The following STRBP variants were observed in gnomAD, a reference collection of about 807,000 sequenced individuals.
STRBP encodes spermatid perinuclear RNA binding protein, also known as spermatid perinuclear RNA-binding protein.
A neutral mutation model predicts 80.1 loss-of-function variants in STRBP; 13 were observed. That is an observed-to-expected ratio of 0.16 (90% CI 0.11 to 0.26). STRBP has a LOEUF of 0.26. Ranked by LOEUF, STRBP falls within the 10% of genes least tolerant of loss-of-function variation. The probability of loss-of-function intolerance (pLI) is 1.00; values close to 1 mark genes in which losing one functional copy is unlikely to be tolerated. For synonymous variants in STRBP, 284 were observed against 291.2 expected, an observed-to-expected ratio of 0.98 and a Z score of 0.25; for missense variants, 485 against 815.2, an observed-to-expected ratio of 0.59 and a Z score of 4.93.
chr9:123,144,212 A>C (rs1163994149), intron 13 of STRBP, among the ~76,000 whole-genome samples: 2 of 151,400 alleles, frequency 1.3e-5, no homozygotes, highest in Non-Finnish European at 2.9e-5. Flanking sequence ...AAAAAAAAAA[A>C]AAGAAAGAAA....
In STRBP at chr9:123,146,425, C is replaced by T. The variant is rs76358794; in HGVS notation, c.1338+430G>A. Among the ~76,000 whole-genome samples the T allele has an allele frequency of 4.3e-3, 639 of 149,522 alleles. 6 individuals carry two copies. Among genetic ancestry groups the T allele is most frequent in the Non-Finnish European group, 7.0e-3 (470 of 67,414 alleles). On this transcript the variant is annotated intron_variant, in intron 13 of 18. Transcript: ENST00000348403. ...GTTTCCCGTAGCATGTTAATCGTACCGCCATTAAAAATTATTTATGAAGAT... is the reference window on the plus strand; with the variant it reads ...GTTTCCCGTAGCATGTTAATCGTACTGCCATTAAAAATTATTTATGAAGAT...
chr9:123,181,446 A>C (rs1045747771), intron 3 of STRBP, among the ~76,000 whole-genome samples: 7 of 152,210 alleles, frequency 4.6e-5, no homozygotes, highest in African/African-American at 1.7e-4. Flanking sequence ...GCCAATGTTA[A>C]ATCTAAAAAT....
intron 13 of STRBP, among the ~76,000 whole-genome samples, chr9:123,142,557 T>C (rs1172018844): frequency 2.0e-5 from 3 of 152,200 alleles, no homozygotes; most frequent in African/African-American, 7.2e-5. Context: ...GCAAGAATCC[T>C]AATGGGTCCC....
intron 2 of STRBP, among the ~76,000 whole-genome samples, chr9:123,225,463 T>C (rs2040205388): frequency 6.6e-6 from 1 of 152,214 alleles, no homozygotes; most frequent in South Asian, 2.1e-4. Context: ...ATTTCCTTTT[T>C]CAGCCCCACA....
chr9:123,118,347 G>A (rs530228939), downstream of STRBP, among the ~76,000 whole-genome samples: 1 of 152,212 alleles, frequency 6.6e-6, no homozygotes, highest in South Asian at 2.1e-4. Flanking sequence ...CATTACTTGG[G>A]GCATTTAGCA....
intron 12 of STRBP, among the ~76,000 whole-genome samples, chr9:123,147,558 T>A (rs2036866485): frequency 6.6e-6 from 1 of 151,192 alleles, no homozygotes; most frequent in Admixed American, 6.6e-5. Context: ...GCACCTGTGA[T>A]CCCTACTATT....
At chr9:123,240,740 G>T (rs930312757) in intron 1 of STRBP, among the ~76,000 whole-genome samples, 4 of 152,092 alleles carry the variant, frequency 2.6e-5, no homozygotes, top group Non-Finnish European at 5.9e-5. Context: ...CCCTTCTCTG[G>T]TATCACACTG....
chr9:123,231,375 T>C (rs2040393853), intron 2 of STRBP, among the ~76,000 whole-genome samples: 1 of 152,236 alleles, frequency 6.6e-6, no homozygotes, highest in African/African-American at 2.4e-5. Flanking sequence ...TTATTTTCTC[T>C]TGTTCCTTTC....
In STRBP at chr9:123,158,066, G is replaced by C; in HGVS notation, c.991C>G (p.Leu331Val). 6.2e-7 allele frequency: 1 copy of C among 1,609,916 alleles called. No individual in the cohort carries two copies. Among genetic ancestry groups the C allele is most frequent in the African/African-American group, 1.4e-5 (1 of 73,766 alleles). Residue 331 changes from leucine (L) to valine (V), a missense_variant, in exon 11 of 19, where the codon CTT becomes GTT. By Grantham distance (32) the Leu-to-Val change is conservative. Around this residue, in one of 3 missense-constraint regions of STRBP, gnomAD observed 377 missense variants for 616.1 expected, o/e 0.61. Coordinates refer to ENST00000348403, the MANE Select transcript of STRBP (RefSeq NM_018387.5). Reference protein sequence around the residue: ...QIYKVLEMDPLPSSKPFQKYS... With the variant: ...QIYKVLEMDPVPSSKPFQKYS... ...TTCTGAAAAGGCTTACTAGATGGAA[G>C]GGGGTCCATCTCCAGCACTTTGTAA...
chr9:123,111,580 A>G (rs2035567477), intron 3 of STRBP: 1 of 479,176 alleles, frequency 2.1e-6, no homozygotes, highest in Non-Finnish European at 4.3e-6. Context: ...TCTTGTCTGT[A>G]AGTAACTCCA....
intron 6 of STRBP, among the ~76,000 whole-genome samples, chr9:123,168,693 C>G (rs1055638112): frequency 2.0e-5 from 3 of 152,108 alleles, no homozygotes; most frequent in African/African-American, 7.2e-5. Context: ...CCCCACTGGC[C>G]CAGATAGGCT....
At chr9:123,183,996 G>A (rs1178927864) in intron 3 of STRBP, 136 bp downstream of exon 3, 3 of 684,152 alleles carry the variant, frequency 4.4e-6, no homozygotes, top group African/African-American at 3.6e-5. Context: ...GAATAGTAGA[G>A]TGCCATCTTT....
At chr9:123,193,627 G>C (rs1235770443) in intron 2 of STRBP, among the ~76,000 whole-genome samples, 1 of 151,828 alleles carries the variant, frequency 6.6e-6, no homozygotes, top group African/African-American at 2.4e-5. Flanking sequence ...TTCCTCCAAT[G>C]TTCTCATCTT....
intron 2 of STRBP, among the ~76,000 whole-genome samples, chr9:123,221,964 T>C (rs991779764): frequency 6.6e-6 from 1 of 152,182 alleles, no homozygotes; most frequent in Non-Finnish European, 1.5e-5. Flanking sequence ...ACCTAATAGT[T>C]ATGGCATCCA....
At position 123,184,215 on chromosome 9, in the gene STRBP, A is replaced by G; in HGVS notation, c.-81T>C. 2 of 1,429,982 alleles carry G rather than the reference A, an allele frequency of 1.4e-6. No homozygotes were observed. Among genetic ancestry groups the G allele is most frequent in the Non-Finnish European group, 1.9e-6 (2 of 1,030,302 alleles). The allele number at this position is 1,429,982 out of a possible 1,614,324, so 88.6% of individuals were successfully genotyped here. A position where few individuals can be genotyped will look rare whatever the true frequency, so the allele number is the denominator to read the frequency against. On this transcript the variant is annotated 5_prime_UTR_variant, in exon 3 of 19. Transcript: ENST00000348403. Reference sequence around the variant, plus strand: ...TCTTCACTAGACACTGTTTTGTGTAACAATACCTCCTCATAAGCCTGAGTC... The same window carrying G: ...TCTTCACTAGACACTGTTTTGTGTAGCAATACCTCCTCATAAGCCTGAGTC...
At chr9:123,135,047 G>C (rs1237182383) in intron 16 of STRBP, among the ~76,000 whole-genome samples, 2 of 152,164 alleles carry the variant, frequency 1.3e-5, no homozygotes, top group East Asian at 3.8e-4. Flanking sequence ...ATTTTGAGAT[G>C]GATACAATAT....
chr9:123,147,627 G>A (rs186787249), intron 12 of STRBP, 151 bp downstream of exon 12: 180 of 580,174 alleles, frequency 3.1e-4, no homozygotes, highest in African/African-American at 2.9e-3. Context: ...GCAGTGAGCC[G>A]AGATCGCGCC....
chr9:123,223,985 T>C (rs1347743434), intron 2 of STRBP, among the ~76,000 whole-genome samples: 2 of 152,120 alleles, frequency 1.3e-5, no homozygotes, highest in Non-Finnish European at 2.9e-5. Context: ...GCTCCAGAGA[T>C]GCTATAGTTA....
exon 3 of STRBP, chr9:123,116,051 G>A (rs1564204829): frequency 2.2e-6 from 1 of 456,170 alleles, no homozygotes; most frequent in South Asian, 1.5e-5. Flanking sequence ...ATTTCCATAG[G>A]TTTTTTACCT....
Sources: allele counts gnomAD v4.1 joint callset (sites outside exome capture counted in the v4.1 genomes callset), GRCh38; gene constraint gnomAD v4.1.1; regional missense constraint gnomAD v4.1.1; transcripts MANE v1.5; gene names NCBI Gene and HGNC (gene_info 2026-07-23, HGNC 2026-07-21).